Variants in GALNT17 observed in about 807,000 individuals in gnomAD.
GALNT17 encodes the protein UDP-GalNAc:polypeptide N-acetylgalactosaminyltransferase-like 3.
A neutral mutation model predicts 63.7 loss-of-function variants in GALNT17; 29 were observed. The observed-to-expected ratio is 0.46, with a 90% confidence interval of 0.34 to 0.62. The LOEUF (loss-of-function observed/expected upper bound fraction) is 0.62, where lower values mean the gene tolerates loss of function less well. Ranked by LOEUF, GALNT17 falls within the 20% of genes least tolerant of loss-of-function variation. The probability of loss-of-function intolerance (pLI) is 0.01; values close to 1 mark genes in which losing one functional copy is unlikely to be tolerated. For missense variants in GALNT17, 603 were observed against 799.6 expected, an observed-to-expected ratio of 0.75 and a Z score of 2.97; for synonymous variants, 305 against 318.3, an observed-to-expected ratio of 0.96 and a Z score of 0.45.
chr7:71,331,422 A>G (rs1791805793), intron 1 of GALNT17, among the ~76,000 whole-genome samples: 1 of 152,082 alleles, frequency 6.6e-6, no homozygotes, highest in Non-Finnish European at 1.5e-5. Flanking sequence ...AAGTTCCTAT[A>G]TTTGGCCAGG....
At chr7:71,274,259 C>T (rs185843688) in intron 1 of GALNT17, among the ~76,000 whole-genome samples, 1 of 152,302 alleles carries the variant, frequency 6.6e-6, no homozygotes, top group Admixed American at 6.5e-5. Flanking sequence ...TTTTGAGGGA[C>T]ATTCTGCTTT....
At chr7:71,361,553 T>C (rs1385716036) in intron 2 of GALNT17, among the ~76,000 whole-genome samples, 1 of 152,220 alleles carries the variant, frequency 6.6e-6, no homozygotes, top group Admixed American at 6.5e-5. Context: ...GCTTAAGGAA[T>C]GTGAAAATGC....
chr7:71,392,949 C>T (rs1793076510), intron 3 of GALNT17, among the ~76,000 whole-genome samples: 1 of 152,142 alleles, frequency 6.6e-6, no homozygotes, highest in Admixed American at 6.5e-5. Context: ...TAAAAAGACC[C>T]CCACACACTG....
chr7:71,217,145 G>GTTTTTT (rs1197080765), intron 1 of GALNT17, among the ~76,000 whole-genome samples: 18 of 122,750 alleles, frequency 1.5e-4, no homozygotes, highest in Middle Eastern at 5.2e-3. Flanking sequence ...TTCGTGTTTT[G>GTTTTTT]TTTTTTTTTT....
At chr7:71,543,007 A>T (rs537490938) in intron 5 of GALNT17, among the ~76,000 whole-genome samples, 1 of 148,738 alleles carries the variant, frequency 6.7e-6, no homozygotes, top group South Asian at 2.1e-4. Flanking sequence ...AGGGAGCTTG[A>T]GTAACTTTAG....
chr7:71,154,581 T>G (rs1315906588), intron 1 of GALNT17, among the ~76,000 whole-genome samples: 2 of 152,132 alleles, frequency 1.3e-5, no homozygotes, highest in Non-Finnish European at 2.9e-5. Flanking sequence ...TATTTATTTA[T>G]TTATGTATTT....
chr7:71,546,401 A>G (rs769188718), intron 5 of GALNT17, among the ~76,000 whole-genome samples: 1 of 151,958 alleles, frequency 6.6e-6, no homozygotes, highest in Non-Finnish European at 1.5e-5. Flanking sequence ...GGTTCAAGTG[A>G]TCCTTCCACC....
In GALNT17 at chr7:71,204,333, A is replaced by G. The variant is rs144339226; in HGVS notation, c.238+71293A>G. ...CTATATTTTGAAATCAGGTAGTGTG[A>G]TGCCTCCAGCTTTGTTTTGTTTGCA... On this transcript the variant is annotated intron_variant, in intron 1 of 10. Coordinates refer to ENST00000333538, the MANE Select transcript of GALNT17 (RefSeq NM_022479.3). Among the ~76,000 whole-genome samples the G allele has an allele frequency of 2.6e-5, 4 of 152,234 alleles. No homozygotes were observed. The East Asian group carries it at 7.7e-4, about 29-fold the overall frequency.
intron 5 of GALNT17, among the ~76,000 whole-genome samples, chr7:71,468,445 C>T (rs1787573684): frequency 6.6e-6 from 1 of 151,582 alleles, no homozygotes; most frequent in South Asian, 2.1e-4. Context: ...GAGACAGAGT[C>T]TCATTCTGTT....
intron 1 of GALNT17, among the ~76,000 whole-genome samples, chr7:71,317,931 TG>T (rs1791529817): frequency 6.6e-6 from 1 of 152,064 alleles, no homozygotes; most frequent in South Asian, 2.1e-4. Context: ...ATTTTTGGGG[TG>T]GGAGAGGGGG....
At chr7:71,490,973 C>T (rs1464184541) in intron 5 of GALNT17, among the ~76,000 whole-genome samples, 1 of 152,150 alleles carries the variant, frequency 6.6e-6, no homozygotes, top group Non-Finnish European at 1.5e-5. Context: ...GCAGGCGGAT[C>T]ACCTGAGGTT....
intron 2 of GALNT17, among the ~76,000 whole-genome samples, chr7:71,338,839 C>G (rs1791958808): frequency 6.6e-6 from 1 of 152,052 alleles, no homozygotes; most frequent in Admixed American, 6.6e-5. Flanking sequence ...AAAATAGATT[C>G]AAAATAAAGA....
At chr7:71,624,252 A>G (rs1390565444) in intron 6 of GALNT17, among the ~76,000 whole-genome samples, 1 of 152,204 alleles carries the variant, frequency 6.6e-6, no homozygotes, top group Non-Finnish European at 1.5e-5. Flanking sequence ...AGCGGCCATT[A>G]TCTCTGAGTG....
At chr7:71,564,141 A>C (rs7788057) in intron 5 of GALNT17, among the ~76,000 whole-genome samples, 77,485 of 151,870 alleles carry the variant, frequency 0.51, 20,483 homozygotes, top group African/African-American at 0.64. Context: ...TGCAGAACAG[A>C]GGCTTTCTGC....
chr7:71,660,463 G>A (rs1485852303), intron 6 of GALNT17, among the ~76,000 whole-genome samples: 4 of 152,184 alleles, frequency 2.6e-5, no homozygotes, highest in Admixed American at 6.5e-5. Context: ...ACCTTTCTGT[G>A]CATTTCTCTT....
intron 1 of GALNT17, among the ~76,000 whole-genome samples, chr7:71,266,295 C>T (rs563450149): frequency 1.3e-5 from 2 of 152,186 alleles, no homozygotes; most frequent in African/African-American, 4.8e-5. Context: ...AATTGTAATC[C>T]CTATGTGTCG....
Position 71,605,196 on chromosome 7 carries a change from G to A in GALNT17, c.1080+33794G>A, listed in dbSNP as rs556989734. Among the ~76,000 whole-genome samples, 25 of 152,126 alleles carry A rather than the reference G, an allele frequency of 1.6e-4. No individual in the cohort carries two copies. The East Asian group carries it at 2.3e-3, about 14-fold the overall frequency. ...CTATGCAGTTAAGGAAAATTACACC[G>A]GATGCCAGCCTTCCGTTTATTTATT... is the stretch of plus-strand genomic sequence containing the variant. On this transcript the variant is annotated intron_variant, in intron 6 of 10. Transcript: ENST00000333538.
intron 5 of GALNT17, among the ~76,000 whole-genome samples, chr7:71,550,846 T>A (rs1584043210): frequency 6.6e-6 from 1 of 152,308 alleles, no homozygotes; most frequent in African/African-American, 2.4e-5. Context: ...TACAAAAACT[T>A]TTTTTAAATC....
At chr7:71,423,024 CCTGCTGGTGT>C (rs1219067270) in intron 5 of GALNT17, among the ~76,000 whole-genome samples, 1 of 152,160 alleles carries the variant, frequency 6.6e-6, no homozygotes, top group African/African-American at 2.4e-5. Context: ...TTGTTGCTAG[CCTGCTGGTGT>C]CTGCTGGTGT....
Sources: gnomAD v4.1 joint callset for allele counts (sites outside exome capture counted in the v4.1 genomes callset) on GRCh38, gnomAD v4.1.1 for gene constraint, MANE v1.5 for transcripts, NCBI Gene and HGNC (gene_info 2026-07-23, HGNC 2026-07-21) for gene names.